Variants in STK25 observed in about 807,000 individuals in gnomAD.
STK25 encodes serine/threonine-protein kinase 25.
In STK25, 29 loss-of-function variants were observed where a neutral mutation model predicts 53.8. The ratio of observed to expected loss-of-function variants is 0.54; its 90% CI spans 0.40 to 0.74. The LOEUF is 0.74. Among genes scored for constraint, STK25 ranks in the 30% least tolerant of loss-of-function variants. The probability of loss-of-function intolerance (pLI) is 0.00; values close to 1 mark genes in which losing one functional copy is unlikely to be tolerated. For synonymous variants in STK25, 247 were observed against 238.3 expected (o/e 1.04, Z -0.33); for missense variants, 420 against 568.0 (o/e 0.74, Z 2.65).
intron 2 of STK25, among the ~76,000 whole-genome samples, chr2:241,502,686 C>G (rs2065583042): frequency 6.6e-6 from 1 of 151,968 alleles, no homozygotes; most frequent in South Asian, 2.1e-4. Flanking sequence ...TTGCGGTGAG[C>G]CGAGATCGCA....
chr2:241,493,699 ATTC>A lies in STK25; in HGVS notation c.*1960_*1962del, dbSNP rs1159370307. The A allele has an allele frequency of 1.9e-6, 1 of 531,456 alleles. No homozygotes were observed. Among genetic ancestry groups the A allele is most frequent in the Non-Finnish European group, 3.4e-6 (1 of 298,466 alleles). The allele number at this position is 531,456 out of a possible 1,614,324, so 32.9% of individuals were successfully genotyped here. On this transcript the variant is annotated 3_prime_UTR_variant, in exon 12 of 12. Coordinates refer to ENST00000316586, the MANE Select transcript of STK25 (RefSeq NM_001271977.2). ...AACCTGCACCTCCAGGGTTCAAGCG[ATTC>A]TTCTGCCTCAGCCTCCTGAGTAACT...
rs541277746 is a variant in STK25 at position 241,496,573 on chromosome 2, A to ACAGG, written c.1105-43_1105-40dup. 46 of 1,597,930 alleles carry ACAGG rather than the reference A, an allele frequency of 2.9e-5. No homozygotes were observed. In the African/African-American group the frequency reaches 6.2e-4, roughly 21 times the overall value. ...ACCACGCCTGACCCTGGACCCCAGG[A>ACAGG]CAGGCCTTCAGGGAGCCTGCTCCTT... On this transcript the variant is annotated intron_variant, in intron 10 of 11. Coordinates refer to ENST00000316586, the MANE Select transcript of STK25 (RefSeq NM_001271977.2). The surrounding 1 kb of genome is among the most constrained non-coding windows in gnomAD (Gnocchi z 5.8).
Position 241,493,369 on chromosome 2 carries a change from A to G in STK25, c.*2293T>C. The G allele has an allele frequency of 1.2e-6, 2 of 1,613,938 alleles. No homozygotes were observed. The highest frequency in any genetic ancestry group is 1.7e-6 in the Non-Finnish European group (2 of 1,179,966). ...CCCAGGGAGGCCGATGGCATACACAAAGACTATGTTTTCAAGCTCCAGTTC... is the reference window on the plus strand; with the variant it reads ...CCCAGGGAGGCCGATGGCATACACAGAGACTATGTTTTCAAGCTCCAGTTC... On this transcript the variant is annotated 3_prime_UTR_variant, in exon 12 of 12. Coordinates refer to ENST00000316586, the MANE Select transcript of STK25 (RefSeq NM_001271977.2).
rs201274231 is a variant in STK25 at position 241,501,729 on chromosome 2, C to A, written c.31-21G>T. On this transcript the variant is annotated intron_variant, in intron 2 of 11. Coordinates refer to ENST00000316586, the MANE Select transcript of STK25 (RefSeq NM_001271977.2). The surrounding 1 kb of genome is among the most constrained non-coding windows in gnomAD (Gnocchi z 5.3). ...GAGTGCTGTGGGGCCAGGGCGGGGA[C>A]AGAGGGCAGACAGCGCCGGTCACAA... 6.3e-7 allele frequency: 1 copy of A among 1,595,156 alleles called. No individual in the cohort carries two copies. The highest frequency in any genetic ancestry group is 1.3e-5 in the African/African-American group (1 of 74,720).
intron 5 of STK25, chr2:241,499,710 C>T (rs2065389603): frequency 1.9e-6 from 1 of 518,612 alleles, no homozygotes; most frequent in East Asian, 3.5e-5. Flanking sequence ...CAGAGGTGAC[C>T]CTGACCAAGG....
At chr2:241,508,284 G>A (rs1250092184) in intron 1 of STK25, 149 bp from the exon 2 acceptor site, 3 of 1,266,492 alleles carry the variant, frequency 2.4e-6, no homozygotes, top group East Asian at 6.6e-5. Context: ...CCAGGCTCCC[G>A]GGGGCTCGCC....
Position 241,496,534 on chromosome 2 carries a change from G to A in STK25, c.1105C>T (p.Leu369Phe), listed in dbSNP as rs774941275. The change falls in exon 11 of 12, where the codon CTC becomes TTC. Residue 369 changes from leucine to phenylalanine, a missense_variant and splice_region_variant. Coordinates refer to ENST00000316586, the MANE Select transcript of STK25 (RefSeq NM_001271977.2). This position sits in a 1 kb window ranked among gnomAD's most constrained non-coding sequence, Gnocchi z 5.8. ...STLVRPVFGE[L>F]KEKHKQSGGS... ...CCGCTCTGCTTGTGCTTCTCTTTGA[G>A]CTGTGAAAAGACCACCACGCCTGAC... The A allele has an allele frequency of 1.2e-6, 2 of 1,613,162 alleles. No individual in the cohort carries two copies. Among genetic ancestry groups the A allele is most frequent in the South Asian group, 1.1e-5 (1 of 91,062 alleles).
At chr2:241,508,590 G>A, upstream of STK25, 1 of 989,024 alleles carries the variant, frequency 1.0e-6, no homozygotes, top group Non-Finnish European at 1.2e-6. Flanking sequence ...AAAGCCCGGA[G>A]GCGACGGCGA....
At position 241,493,256 on chromosome 2, in the gene STK25, C is replaced by T. The variant is rs370217303; in HGVS notation, c.*2406G>A. 98 of 1,605,866 alleles carry T rather than the reference C, an allele frequency of 6.1e-5. No individual in the cohort carries two copies. Among genetic ancestry groups the T allele is most frequent in the Non-Finnish European group, 8.1e-5 (95 of 1,174,596 alleles). ...GGAATGGGCATTCCCTGTGGCAACC[C>T]AGCCCCTGGAACCCGTGTCCCTATG... On this transcript the variant is annotated 3_prime_UTR_variant, in exon 12 of 12. Coordinates refer to ENST00000316586, the MANE Select transcript of STK25 (RefSeq NM_001271977.2).
Position 241,493,956 on chromosome 2 carries a change from A to G in STK25, c.*1706T>C. 3 of 1,146,704 alleles carry G rather than the reference A, an allele frequency of 2.6e-6. No homozygotes were observed. The highest frequency in any genetic ancestry group is 2.8e-5 in the East Asian group (1 of 35,458). The allele number at this position is 1,146,704 out of a possible 1,614,324, so 71.0% of individuals were successfully genotyped here. ...CCATATCCTGGGTTGTTCTTGGGAC[A>G]GTGTCTGAGCACAAGATGGCTCACT... On this transcript the variant is annotated 3_prime_UTR_variant, in exon 12 of 12. Coordinates refer to ENST00000316586, the MANE Select transcript of STK25 (RefSeq NM_001271977.2).
At chr2:241,506,453 A>G (rs531844400) in intron 2 of STK25, among the ~76,000 whole-genome samples, 15 of 152,278 alleles carry the variant, frequency 9.9e-5, no homozygotes, top group African/African-American at 2.9e-4. Context: ...GACCCAAAGG[A>G]GTTATTTCTG....
Position 241,501,686 on chromosome 2 carries a change from T to C in STK25, c.53A>G (p.Glu18Gly). The change falls in exon 3 of 12, where the codon GAG (glutamate) becomes GGG (glycine). Residue 18 changes from glutamate to glycine, a missense_variant. Glu to Gly is a moderately conservative substitution (Grantham distance 98). Transcript: ENST00000316586. This position sits in a 1 kb window ranked among gnomAD's most constrained non-coding sequence, Gnocchi z 5.3. ...ANQHSRVDPEELFTKLDRIGK... is the reference protein window; with the variant it reads ...ANQHSRVDPEGLFTKLDRIGK... ...AATGCGGTCGAGCTTGGTGAAGAGC[T>C]CCTCAGGGTCCACTCGAGAGTGCTG... 1 of 1,613,410 alleles carries C rather than the reference T, an allele frequency of 6.2e-7. No individual in the cohort carries two copies. The highest frequency in any genetic ancestry group is 8.5e-7 in the Non-Finnish European group (1 of 1,179,770).
chr2:241,507,161 C>T (rs1211277825), intron 2 of STK25, among the ~76,000 whole-genome samples: 2 of 152,218 alleles, frequency 1.3e-5, no homozygotes, highest in Non-Finnish European at 2.9e-5. Context: ...GAGAATAAAA[C>T]CGAACAGCTA....
chr2:241,508,356 G>T, intron 1 of STK25, 87 bp downstream of exon 1: 1 of 1,148,440 alleles, frequency 8.7e-7, no homozygotes, highest in Non-Finnish European at 1.1e-6. Flanking sequence ...CCCCGCCCCG[G>T]TGTCCCCGCC....
chr2:241,509,511 C>T (rs2066039527), upstream of STK25: 1 of 152,440 alleles, frequency 6.6e-6, no homozygotes, highest in Non-Finnish European at 1.5e-5. Context: ...CCCTTACAGG[C>T]CCTCACTCTC....
At position 241,501,889 on chromosome 2, in the gene STK25, C is replaced by T. The variant is rs1448982913; in HGVS notation, c.31-181G>A. The T allele has an allele frequency of 1.2e-5, 7 of 579,358 alleles. No homozygotes were observed. Among genetic ancestry groups the T allele is most frequent in the East Asian group, 1.2e-4 (4 of 34,116 alleles). The allele number at this position is 579,358 out of a possible 1,614,324, so 35.9% of individuals were successfully genotyped here. ...TTTTTGTTCAAAAACTAAACTTGGC[C>T]GGGCGTGGTGGCTCACGCCTGTAAT... On this transcript the variant is annotated intron_variant, in intron 2 of 11. Coordinates refer to ENST00000316586, the MANE Select transcript of STK25 (RefSeq NM_001271977.2). This position sits in a 1 kb window ranked among gnomAD's most constrained non-coding sequence, Gnocchi z 5.3.
At position 241,496,013 on chromosome 2, in the gene STK25, C is replaced by T. The variant is rs1211011884; in HGVS notation, c.1242-312G>A. Among the ~76,000 whole-genome samples the T allele has an allele frequency of 2.0e-5, 3 of 152,230 alleles. No individual in the cohort carries two copies. Among genetic ancestry groups the T allele is most frequent in the Non-Finnish European group, 4.4e-5 (3 of 68,028 alleles). On this transcript the variant is annotated intron_variant, in intron 11 of 11. Coordinates refer to ENST00000316586, the MANE Select transcript of STK25 (RefSeq NM_001271977.2). The surrounding 1 kb of genome is among the most constrained non-coding windows in gnomAD (Gnocchi z 5.8). ...GGGCCCAGCATCTGTCCTGCCCTGT[C>T]TCTTTGCTAAGGACTCGAGTCAGCA...
intron 2 of STK25, among the ~76,000 whole-genome samples, chr2:241,503,357 G>A (rs944023383): frequency 1.3e-5 from 2 of 150,934 alleles, no homozygotes; most frequent in East Asian, 2.0e-4. Context: ...GAGCCACCAC[G>A]CACGGCCCCT....
Position 241,503,483 on chromosome 2 carries a change from C to T in STK25, c.31-1775G>A, listed in dbSNP as rs1027566222. Among the ~76,000 whole-genome samples the T allele has an allele frequency of 3.3e-5, 5 of 150,642 alleles. No homozygotes were observed. The East Asian group carries it at 6.1e-4, about 18-fold the overall frequency. ...ATCCCAACACTTTGGGAGGCCGAGG[C>T]GGGCAGATCACGAGGTCAGGAGATC... On this transcript the variant is annotated intron_variant, in intron 2 of 11. Coordinates refer to ENST00000316586, the MANE Select transcript of STK25 (RefSeq NM_001271977.2).
Sources: gnomAD v4.1 joint callset for allele counts (sites outside exome capture counted in the v4.1 genomes callset) on GRCh38, gnomAD v4.1.1 for gene constraint, Gnocchi (gnomAD v3.1) non-coding constraint, MANE v1.5 for transcripts, NCBI Gene and HGNC (gene_info 2026-07-23, HGNC 2026-07-21) for gene names.